Variants in MORC1 observed in about 807,000 individuals in gnomAD.
MORC1 encodes MORC family CW-type zinc finger 1.
A neutral mutation model predicts 134.9 loss-of-function variants in MORC1; 59 were observed. The observed-to-expected ratio is 0.44, with a 90% CI of 0.35 to 0.54. The LOEUF (loss-of-function observed/expected upper bound fraction) is 0.54. Among genes scored for constraint, MORC1 ranks in the 20% least tolerant of loss-of-function variants. The pLI, the probability that MORC1 is intolerant of heterozygous loss-of-function variation, is 0.00. For synonymous variants in MORC1, 395 were observed against 391.7 expected (o/e 1.01, Z -0.10); for missense variants, 947 against 1,134.5 (o/e 0.83, Z 2.37).
At chr3:109,090,953 C>A (rs1280529684) in intron 8 of MORC1, among the ~76,000 whole-genome samples, 1 of 151,974 alleles carries the variant, frequency 6.6e-6, no homozygotes, top group East Asian at 1.9e-4. Context: ...GTTCAAATAT[C>A]AGAAGCCATA....
intron 14 of MORC1, among the ~76,000 whole-genome samples, chr3:109,050,517 A>G (rs1016771260): frequency 6.6e-6 from 1 of 152,126 alleles, no homozygotes; most frequent in African/African-American, 2.4e-5. Flanking sequence ...TCACCCCCGT[A>G]AAGTCCCAGT....
Position 109,024,596 on chromosome 3 carries a change from T to C in MORC1, c.1704+3155A>G, listed in dbSNP as rs191710437. On this transcript the variant is annotated intron_variant, in intron 17 of 27. Coordinates refer to ENST00000232603, the MANE Select transcript of MORC1 (RefSeq NM_014429.4). Reference sequence around the variant, plus strand: ...GCTGAAATGCAAGAGAGTTAAGAGATAGGGTGTGCAGGTTTAGGTCATTTT... The same window carrying C: ...GCTGAAATGCAAGAGAGTTAAGAGACAGGGTGTGCAGGTTTAGGTCATTTT... Among the ~76,000 whole-genome samples the C allele has an allele frequency of 6.6e-5, 10 of 152,276 alleles. No individual in the cohort carries two copies. The East Asian group carries it at 1.9e-3, about 29-fold the overall frequency.
chr3:109,072,121 T>C (rs1481246369), intron 8 of MORC1, among the ~76,000 whole-genome samples: 1 of 152,110 alleles, frequency 6.6e-6, no homozygotes, highest in African/African-American at 2.4e-5. Flanking sequence ...GTAAGTGAAA[T>C]GGGCCACGTC....
At chr3:109,041,849 C>T (rs960748640) in intron 14 of MORC1, among the ~76,000 whole-genome samples, 1 of 151,724 alleles carries the variant, frequency 6.6e-6, no homozygotes, top group Admixed American at 6.6e-5. Context: ...TATCTCAAAG[C>T]ATGAGAATTG....
chr3:109,066,263 G>T, intron 9 of MORC1, among the ~76,000 whole-genome samples: 1 of 151,648 alleles, frequency 6.6e-6, no homozygotes, highest in East Asian at 1.9e-4. Context: ...TAAGCTCCAT[G>T]AGAGCAGGAA....
chr3:108,964,510 C>T (rs2107360144), intron 26 of MORC1, among the ~76,000 whole-genome samples: 1 of 152,286 alleles, frequency 6.6e-6, no homozygotes, highest in East Asian at 1.9e-4. Flanking sequence ...TGTGCAGACC[C>T]TTCTCTGACA....
At chr3:109,005,930 T>C (rs937061201) in intron 18 of MORC1, among the ~76,000 whole-genome samples, 2 of 152,210 alleles carry the variant, frequency 1.3e-5, no homozygotes, top group African/African-American at 2.4e-5. Context: ...CGAAACTCTT[T>C]AGCTCTCATT....
At chr3:109,064,498 C>T (rs1348649557) in intron 9 of MORC1, among the ~76,000 whole-genome samples, 2 of 151,986 alleles carry the variant, frequency 1.3e-5, no homozygotes, top group Non-Finnish European at 2.9e-5. Flanking sequence ...GAAATTTAAA[C>T]TTTCATTGAC....
In MORC1 at chr3:109,006,649, G is replaced by A. The variant is rs376060686; in HGVS notation, c.1767+380C>T. 4.6e-5 allele frequency among the ~76,000 whole-genome samples: 7 copies of A among 151,978 alleles called. No homozygotes were observed. In the East Asian group the frequency reaches 7.7e-4, roughly 17 times the overall value. ...AGAACAGACATTTGAGGAATATAACGTAACATGACATTTAGCAAACACAAG... is the reference window on the plus strand; with the variant it reads ...AGAACAGACATTTGAGGAATATAACATAACATGACATTTAGCAAACACAAG... On this transcript the variant is annotated intron_variant, in intron 18 of 27. Transcript: ENST00000232603.
At chr3:109,019,540 G>A (rs1282955289) in intron 17 of MORC1, among the ~76,000 whole-genome samples, 2 of 151,930 alleles carry the variant, frequency 1.3e-5, no homozygotes, top group Non-Finnish European at 2.9e-5. Flanking sequence ...TTTACGTCAC[G>A]TTGGCCAGAG....
At chr3:109,100,531 G>A (rs1950906292) in intron 4 of MORC1, 24 bp from the exon 5 acceptor site, 4 of 1,577,226 alleles carry the variant, frequency 2.5e-6, no homozygotes, top group Non-Finnish European at 3.5e-6. Flanking sequence ...TGACTTTTAA[G>A]GTGGTTAGGA....
chr3:109,038,251 A>C (rs377023311), intron 14 of MORC1, among the ~76,000 whole-genome samples: 1 of 149,522 alleles, frequency 6.7e-6, no homozygotes, highest in African/African-American at 2.4e-5. Flanking sequence ...CTTTTGAGAA[A>C]TGTCTGTTCA....
At chr3:109,000,485 C>G (rs984277785) in intron 21 of MORC1, 72 bp downstream of exon 21, 67 of 1,131,972 alleles carry the variant, frequency 5.9e-5, no homozygotes, top group Non-Finnish European at 7.8e-5. Context: ...TACTTTGAGA[C>G]ACTAACAGAT....
intron 1 of MORC1, 98 bp from the exon 2 acceptor site, chr3:109,114,535 A>T (rs1257668864): frequency 2.0e-6 from 2 of 994,636 alleles, no homozygotes; most frequent in African/African-American, 3.3e-5. Flanking sequence ...CCAGTTCCAG[A>T]CATCTAGTGA....
At chr3:108,996,286 G>GCGCGCGCACACACACACACACACA in intron 21 of MORC1, among the ~76,000 whole-genome samples, 5,475 of 146,238 alleles carry the variant, frequency 0.037, 131 homozygotes, top group Non-Finnish European at 0.052. Context: ...GCGCGCGCGC[G>GCGCGCGCACACACACACACACACA]CACACACACA....
chr3:108,973,952 T>C (rs1309385407), intron 24 of MORC1, among the ~76,000 whole-genome samples: 1 of 152,198 alleles, frequency 6.6e-6, no homozygotes, highest in Non-Finnish European at 1.5e-5. Flanking sequence ...TATCATTTTC[T>C]ACACATAGTT....
At chr3:109,007,119 A>G in intron 17 of MORC1, 28 bp from the exon 18 acceptor site, 1 of 1,570,114 alleles carries the variant, frequency 6.4e-7, no homozygotes, top group Non-Finnish European at 8.7e-7. Flanking sequence ...CCATTAAGGC[A>G]AATGTAAGTA....
chr3:108,971,180 T>G, intron 25 of MORC1, 150 bp downstream of exon 25: 2 of 640,552 alleles, frequency 3.1e-6, no homozygotes, highest in Admixed American at 5.5e-5. Context: ...AATATAGCTT[T>G]AATTATGAAT....
chr3:109,003,387 G>T (rs2197740), intron 20 of MORC1, among the ~76,000 whole-genome samples: 150,514 of 150,594 alleles, frequency 1, 75,217 homozygotes, highest in Middle Eastern at 1. Flanking sequence ...TATTATATGT[G>T]TATGCACACA....
Sources: gnomAD v4.1 joint callset for allele counts (sites outside exome capture counted in the v4.1 genomes callset) on GRCh38, gnomAD v4.1.1 for gene constraint, MANE v1.5 for transcripts, NCBI Gene and HGNC (gene_info 2026-07-23, HGNC 2026-07-21) for gene names.